The following CNTN3 variants were observed in gnomAD, a reference collection of about 807,000 sequenced individuals.
The protein encoded by CNTN3 is contactin-3.
Under a neutral mutation model 119.1 loss-of-function variants are expected in CNTN3, and 60 were observed. The observed-to-expected ratio is 0.50, with a 90% CI of 0.41 to 0.62. The LOEUF (loss-of-function observed/expected upper bound fraction) is 0.62. Among genes scored for constraint, CNTN3 ranks in the 20% least tolerant of loss-of-function variants. The pLI, the probability that CNTN3 is intolerant of heterozygous loss-of-function variation, is 0.00. For synonymous variants in CNTN3, 450 were observed against 438.7 expected, an observed-to-expected ratio of 1.03 and a Z score of -0.32; for missense variants, 1,101 against 1,242.4, an observed-to-expected ratio of 0.89 and a Z score of 1.71.
intron 1 of CNTN3, among the ~76,000 whole-genome samples, chr3:74,568,971 T>A (rs779836553): frequency 1.5e-4 from 23 of 152,196 alleles, no homozygotes; most frequent in Non-Finnish European, 2.4e-4. Context: ...GCAAAGGAGA[T>A]GAACCTTGAT....
At chr3:74,596,419 C>T (rs994413082) in intron 1 of CNTN3, among the ~76,000 whole-genome samples, 1 of 152,124 alleles carries the variant, frequency 6.6e-6, no homozygotes, top group African/African-American at 2.4e-5. Context: ...AGGCCTCACG[C>T]TACCTGACTT....
rs149908242 is a variant in CNTN3 at position 74,570,039 on chromosome 3, G to A, written c.-81+44352C>T. Among the ~76,000 whole-genome samples the A allele has an allele frequency of 1.8e-3, 273 of 152,190 alleles. 3 individuals are homozygous for A. Among genetic ancestry groups the A allele is most frequent in the Admixed American group, 0.014 (210 of 15,280 alleles). The stretch of plus-strand genomic sequence containing the variant: ...GCTCTTATGCATAACCCCCACAGCC[G>A]GCTTCTGCAAGCAGCCTGAGAAAAA... On this transcript the variant is annotated intron_variant, in intron 1 of 22. Transcript: ENST00000263665.
In CNTN3 at chr3:74,375,964, AG is replaced by A. The variant is rs1704465927; in HGVS notation, c.455-4566del. On this transcript the variant is annotated intron_variant, in intron 5 of 22. Transcript: ENST00000263665. ...TTCTGGTAGGCCCACTGTAATCACC[AG>A]GGTCCTTAGAAGGGAAAGAGAGGGG... Among the ~76,000 whole-genome samples, 3 of 152,140 alleles carry A rather than the reference AG, an allele frequency of 2.0e-5. No individual in the cohort carries two copies. The South Asian group carries it at 6.2e-4, about 31-fold the overall frequency.
intron 2 of CNTN3, among the ~76,000 whole-genome samples, chr3:74,518,963 T>C (rs537880990): frequency 2.6e-5 from 4 of 151,964 alleles, no homozygotes; most frequent in South Asian, 4.1e-4. Context: ...CCATGTCTTT[T>C]ATCCTTCACT....
chr3:74,266,339 G>T, intron 22 of CNTN3, 142 bp downstream of exon 22: 1 of 774,336 alleles, frequency 1.3e-6, no homozygotes, highest in Non-Finnish European at 2.0e-6. Flanking sequence ...TCTTGCCCAC[G>T]TCTCACCTGC....
At chr3:74,297,389 A>AC in intron 18 of CNTN3, among the ~76,000 whole-genome samples, 1 of 151,842 alleles carries the variant, frequency 6.6e-6, no homozygotes, top group Non-Finnish European at 1.5e-5. Context: ...CAGAAGAAAA[A>AC]AAAAACAAAA....
intron 1 of CNTN3, among the ~76,000 whole-genome samples, chr3:74,556,600 T>C (rs186451216): frequency 6.6e-6 from 1 of 152,258 alleles, no homozygotes; most frequent in East Asian, 1.9e-4. Context: ...CAATGAACAT[T>C]TGTGTACAAG....
At chr3:74,595,366 C>A (rs1704787385) in intron 1 of CNTN3, among the ~76,000 whole-genome samples, 1 of 151,690 alleles carries the variant, frequency 6.6e-6, no homozygotes, top group East Asian at 1.9e-4. Flanking sequence ...GAAGTCCTTG[C>A]CCATGCCTAT....
At chr3:74,588,160 T>C (rs996621463) in intron 1 of CNTN3, among the ~76,000 whole-genome samples, 1 of 152,032 alleles carries the variant, frequency 6.6e-6, no homozygotes, top group African/African-American at 2.4e-5. Context: ...ATAAGCTTTT[T>C]GATGTGCTGC....
intron 1 of CNTN3, among the ~76,000 whole-genome samples, chr3:74,561,350 T>C (rs1704150945): frequency 6.6e-6 from 1 of 152,082 alleles, no homozygotes; most frequent in Non-Finnish European, 1.5e-5. Context: ...TTTCCCATTG[T>C]CCATGAAATA....
chr3:74,485,106 C>A (rs900112542), intron 4 of CNTN3, among the ~76,000 whole-genome samples: 1 of 151,852 alleles, frequency 6.6e-6, no homozygotes, highest in Admixed American at 6.6e-5. Flanking sequence ...TATGAGAAGA[C>A]TATTACATAT....
At chr3:74,550,757 GTCT>G (rs1299583818) in intron 1 of CNTN3, among the ~76,000 whole-genome samples, 1 of 152,092 alleles carries the variant, frequency 6.6e-6, no homozygotes, top group African/African-American at 2.4e-5. Flanking sequence ...GCCCAGGCTG[GTCT>G]TTAACTCCTA....
intron 1 of CNTN3, among the ~76,000 whole-genome samples, chr3:74,534,679 T>C (rs907726191): frequency 1.3e-5 from 2 of 152,080 alleles, no homozygotes; most frequent in African/African-American, 2.4e-5. Context: ...CTGTTAAGTA[T>C]TGAGCCCTAA....
At chr3:74,320,049 A>T (rs139609017) in intron 13 of CNTN3, among the ~76,000 whole-genome samples, 4,427 of 152,250 alleles carry the variant, frequency 0.029, 208 homozygotes, top group African/African-American at 0.099. Flanking sequence ...GAGAAATAGG[A>T]ACACTTTGAC....
chr3:74,558,173 A>G (rs1394862213), intron 1 of CNTN3, among the ~76,000 whole-genome samples: 2 of 152,060 alleles, frequency 1.3e-5, no homozygotes. Context: ...AGATGAGACA[A>G]CTCTGAAGGG....
In CNTN3 at chr3:74,535,249, C is replaced by T. The variant is rs951788446; in HGVS notation, c.-80-14057G>A. ...AATAGTTATCTGCTTAGAATTCACA[C>T]CTATTAGGGGCTGTATCTAGGTGTA... On this transcript the variant is annotated intron_variant, in intron 1 of 22. Coordinates refer to ENST00000263665, the MANE Select transcript of CNTN3 (RefSeq NM_020872.3). Among the ~76,000 whole-genome samples the T allele has an allele frequency of 9.2e-5, 14 of 152,072 alleles. No homozygotes were observed. In the East Asian group the frequency reaches 2.7e-3, roughly 30 times the overall value.
chr3:74,434,645 G>C (rs1307361492), intron 4 of CNTN3, among the ~76,000 whole-genome samples: 1 of 152,136 alleles, frequency 6.6e-6, no homozygotes, highest in South Asian at 2.1e-4. Flanking sequence ...TACTTCATTT[G>C]TTGATCCACA....
intron 19 of CNTN3, among the ~76,000 whole-genome samples, chr3:74,285,794 T>C (rs1449277061): frequency 5.0e-5 from 2 of 39,750 alleles, no homozygotes; most frequent in Non-Finnish European, 8.8e-5. Context: ...AGGGGAGATA[T>C]ATATATATAT....
intron 20 of CNTN3, among the ~76,000 whole-genome samples, chr3:74,268,952 T>C (rs1292540240): frequency 4.6e-5 from 7 of 151,156 alleles, no homozygotes. Flanking sequence ...GAGAAATGAC[T>C]GCAAATAGAA....
Sources: allele counts gnomAD v4.1 joint callset (sites outside exome capture counted in the v4.1 genomes callset), GRCh38; gene constraint gnomAD v4.1.1; transcripts MANE v1.5; gene names NCBI Gene and HGNC (gene_info 2026-07-23, HGNC 2026-07-21).